L3MBTL4: variants seen among roughly 807,000 people sequenced by gnomAD.
The protein encoded by L3MBTL4 is L3MBTL histone methyl-lysine binding protein 4.
Under a neutral mutation model 84.5 loss-of-function variants are expected in L3MBTL4, and 70 were observed. The ratio of observed to expected loss-of-function variants is 0.83; its 90% CI spans 0.68 to 1.01. L3MBTL4 has a LOEUF of 1.01. Among genes scored for constraint, L3MBTL4 ranks in the 50% least tolerant of loss-of-function variants. The pLI is 0.00. For synonymous variants in L3MBTL4, 274 were observed against 259.8 expected, an observed-to-expected ratio of 1.05 and a Z score of -0.52; for missense variants, 715 against 754.8, an observed-to-expected ratio of 0.95 and a Z score of 0.62.
intron 16 of L3MBTL4, among the ~76,000 whole-genome samples, chr18:6,035,281 GGTCTAAC>G (rs2056071201): frequency 6.6e-6 from 1 of 152,134 alleles, no homozygotes; most frequent in Non-Finnish European, 1.5e-5. Context: ...TATGGTTTTA[GGTCTAAC>G]GTTTAAGTCT....
At chr18:6,128,463 G>A (rs1168057010) in intron 14 of L3MBTL4, among the ~76,000 whole-genome samples, 1 of 152,170 alleles carries the variant, frequency 6.6e-6, no homozygotes, top group African/African-American at 2.4e-5. Context: ...AATGCCCAGG[G>A]AGGTGCAGTT....
intron 1 of L3MBTL4, among the ~76,000 whole-genome samples, chr18:6,407,080 G>A (rs1403874464): frequency 6.6e-6 from 1 of 152,198 alleles, no homozygotes; most frequent in African/African-American, 2.4e-5. Context: ...GATGGGCATT[G>A]TTTGTTTTGG....
chr18:6,358,500 C>T (rs1427463232), intron 1 of L3MBTL4, among the ~76,000 whole-genome samples: 1 of 152,086 alleles, frequency 6.6e-6, no homozygotes, highest in East Asian at 1.9e-4. Flanking sequence ...CCTCCAAAAC[C>T]CTGCAGTTTT....
chr18:6,090,370 T>C (rs1214353942), intron 15 of L3MBTL4, among the ~76,000 whole-genome samples: 1 of 152,036 alleles, frequency 6.6e-6, no homozygotes, highest in Non-Finnish European at 1.5e-5. Flanking sequence ...GAGTCATATA[T>C]TTACTAATTA....
intron 4 of L3MBTL4, among the ~76,000 whole-genome samples, chr18:6,274,009 C>G (rs1406535883): frequency 6.6e-6 from 1 of 152,220 alleles, no homozygotes; most frequent in Admixed American, 6.5e-5. Context: ...TCCACTAAAA[C>G]AATCCTTCCA....
chr18:6,174,452 A>G (rs574945079), intron 12 of L3MBTL4, among the ~76,000 whole-genome samples: 39 of 152,340 alleles, frequency 2.6e-4, no homozygotes, highest in African/African-American at 9.1e-4. Flanking sequence ...ATAGCAAAAT[A>G]TCTTAAATAT....
chr18:6,328,247 C>T (rs1252624136), intron 1 of L3MBTL4, among the ~76,000 whole-genome samples: 1 of 152,212 alleles, frequency 6.6e-6, no homozygotes, highest in Non-Finnish European at 1.5e-5. Flanking sequence ...TATTAACATA[C>T]ATATTTGACT....
intron 16 of L3MBTL4, among the ~76,000 whole-genome samples, chr18:6,078,446 A>G (rs2057943500): frequency 6.6e-6 from 1 of 151,564 alleles, no homozygotes; most frequent in Non-Finnish European, 1.5e-5. Flanking sequence ...AAACAAAAAA[A>G]AAAAAAAAAG....
chr18:6,055,468 CG>C (rs1180690733), intron 16 of L3MBTL4, among the ~76,000 whole-genome samples: 1 of 152,002 alleles, frequency 6.6e-6, no homozygotes, highest in African/African-American at 2.4e-5. Context: ...AAGTTTTCTT[CG>C]ATAGTATGTT....
chr18:6,052,113 G>A (rs998159333), intron 16 of L3MBTL4, among the ~76,000 whole-genome samples: 2 of 152,190 alleles, frequency 1.3e-5, no homozygotes, highest in Non-Finnish European at 2.9e-5. Flanking sequence ...ACTGGAGGCA[G>A]CTCCAAAGGC....
chr18:6,372,196 AAAGTG>A (rs1442284206), intron 1 of L3MBTL4, among the ~76,000 whole-genome samples: 18 of 152,210 alleles, frequency 1.2e-4, no homozygotes, highest in African/African-American at 2.9e-4. Flanking sequence ...GCTTGCTAAA[AAAGTG>A]GTGGCTGCCC....
chr18:6,166,915 T>C (rs2043692554), intron 13 of L3MBTL4, among the ~76,000 whole-genome samples: 2 of 151,870 alleles, frequency 1.3e-5, no homozygotes, highest in Admixed American at 1.3e-4. Flanking sequence ...ATCAACAAAA[T>C]TGATAGACCG....
chr18:6,197,466 G>A (rs2045454729), intron 12 of L3MBTL4, among the ~76,000 whole-genome samples: 1 of 152,184 alleles, frequency 6.6e-6, no homozygotes, highest in Non-Finnish European at 1.5e-5. Context: ...TGGCTGCATA[G>A]TATTCCATGG....
At position 6,171,695 on chromosome 18, in the gene L3MBTL4, G is replaced by T. The variant is rs2043978145; in HGVS notation, c.1096+133C>A. On this transcript the variant is annotated intron_variant, in intron 13 of 18. Coordinates refer to ENST00000317931, the MANE Select transcript of L3MBTL4 (RefSeq NM_001330559.2). ...CTTAATTGTAAATAATCGGCTTTCA[G>T]TGTAGCTGTAGTGATTAATTCGCCT... 8.3e-6 allele frequency: 4 copies of T among 480,924 alleles called. No homozygotes were observed. In the Admixed American group the frequency reaches 1.2e-4, roughly 14 times the overall value. The allele number at this position is 480,924 out of a possible 1,614,324, so 29.8% of individuals were successfully genotyped here. A position where few individuals can be genotyped will look rare whatever the true frequency, so the allele number is the denominator to read the frequency against.
intron 4 of L3MBTL4, among the ~76,000 whole-genome samples, chr18:6,269,412 G>A (rs574355617): frequency 3.9e-5 from 6 of 151,992 alleles, no homozygotes; most frequent in Admixed American, 1.3e-4. Flanking sequence ...AGCCAAGATC[G>A]CACCACTACA....
chr18:6,275,710 T>C (rs1465004543), intron 4 of L3MBTL4, among the ~76,000 whole-genome samples: 2 of 152,212 alleles, frequency 1.3e-5, no homozygotes, highest in African/African-American at 4.8e-5. Flanking sequence ...CAAGGTTTTT[T>C]AGCCATACTC....
intron 1 of L3MBTL4, among the ~76,000 whole-genome samples, chr18:6,322,213 C>T (rs1329012278): frequency 6.6e-6 from 1 of 151,624 alleles, no homozygotes; most frequent in Non-Finnish European, 1.5e-5. Flanking sequence ...AAAAAATTAG[C>T]CAGGCATGGC....
intron 10 of L3MBTL4, among the ~76,000 whole-genome samples, chr18:6,232,812 T>G (rs909067646): frequency 2.0e-5 from 3 of 152,138 alleles, no homozygotes; most frequent in African/African-American, 7.2e-5. Context: ...TAAAATTTTT[T>G]TCCATACTCA....
intron 5 of L3MBTL4, among the ~76,000 whole-genome samples, chr18:6,245,081 A>G (rs1490853356): frequency 6.6e-6 from 1 of 152,090 alleles, no homozygotes; most frequent in Non-Finnish European, 1.5e-5. Flanking sequence ...TTGCAGTTTT[A>G]GTAGAGACGG....
Sources: allele counts gnomAD v4.1 joint callset (sites outside exome capture counted in the v4.1 genomes callset), GRCh38; gene constraint gnomAD v4.1.1; transcripts MANE v1.5; gene names NCBI Gene and HGNC (gene_info 2026-07-23, HGNC 2026-07-21).